The following WDPCP variants were observed in gnomAD, a reference collection of about 807,000 sequenced individuals.
The protein encoded by WDPCP is WD repeat-containing and planar cell polarity effector protein fritz homolog.
A neutral mutation model predicts 93.1 loss-of-function variants in WDPCP; 71 were observed. The observed-to-expected ratio is 0.76, with a 90% CI of 0.63 to 0.93. The LOEUF is 0.93. WDPCP is among the 40% of genes least tolerant of loss of function. The pLI is 0.00. For synonymous variants in WDPCP, 315 were observed against 315.0 expected (o/e 1.00, Z 0.00); for missense variants, 844 against 887.4 (o/e 0.95, Z 0.62).
At chr2:63,427,264 C>T (rs188575717) in intron 9 of WDPCP, among the ~76,000 whole-genome samples, 3 of 152,274 alleles carry the variant, frequency 2.0e-5, no homozygotes, top group Non-Finnish European at 1.5e-5. Flanking sequence ...GAATACTCCA[C>T]CCAACAACCA....
At position 63,680,781 on chromosome 2, in the gene WDPCP, CCTT is replaced by C. The variant is rs1311170110; in HGVS notation, n.309-29946_309-29944del. 3.3e-5 allele frequency among the ~76,000 whole-genome samples: 5 copies of C among 152,258 alleles called. No individual in the cohort carries two copies. The East Asian group carries it at 7.7e-4, about 24-fold the overall frequency. On this transcript the variant is annotated intron_variant and non_coding_transcript_variant, in intron 2 of 4. Coordinates refer to the WDPCP transcript ENST00000467687. ...AAAGCTCACAGCAACAAAAGCAACT[CCTT>C]CTTCTTTCTACTTGAGAAGAGGAGA...
intron 2 of WDPCP, among the ~76,000 whole-genome samples, chr2:63,724,700 G>C (rs889195013): frequency 2.6e-5 from 4 of 152,202 alleles, no homozygotes; most frequent in East Asian, 1.9e-4. Flanking sequence ...AAATGGAAAA[G>C]TGGGCAACAA....
chr2:63,495,240 GA>G (rs1396516272), intron 1 of WDPCP, among the ~76,000 whole-genome samples: 1 of 152,030 alleles, frequency 6.6e-6, no homozygotes, highest in Non-Finnish European at 1.5e-5. Flanking sequence ...AAGCAGTAGA[GA>G]AAAAGGGATA....
intron 1 of WDPCP, among the ~76,000 whole-genome samples, chr2:63,561,048 C>T (rs1706574845): frequency 6.6e-6 from 1 of 152,210 alleles, no homozygotes; most frequent in Admixed American, 6.5e-5. Context: ...CCCTTTCCTA[C>T]ACCTTATGCA....
At chr2:63,700,775 C>T (rs141536294) in intron 2 of WDPCP, among the ~76,000 whole-genome samples, 1,874 of 152,254 alleles carry the variant, frequency 0.012, 17 homozygotes, top group Non-Finnish European at 0.015. Flanking sequence ...GGGGAAAGAA[C>T]AGGCTCTTCA....
intron 2 of WDPCP, among the ~76,000 whole-genome samples, chr2:63,809,927 T>G (rs1272990952): frequency 1.3e-5 from 2 of 151,358 alleles, no homozygotes; most frequent in East Asian, 1.9e-4. Flanking sequence ...AATAAATAAA[T>G]AAAATTAAAT....
intron 17 of WDPCP, among the ~76,000 whole-genome samples, chr2:63,147,836 G>A (rs1031413640): frequency 6.6e-6 from 1 of 152,062 alleles, no homozygotes; most frequent in African/African-American, 2.4e-5. Context: ...GGGAGTGGTG[G>A]CACGTGCCTG....
chr2:63,745,417 C>T (rs1253866519), intron 2 of WDPCP, among the ~76,000 whole-genome samples: 5 of 152,126 alleles, frequency 3.3e-5, no homozygotes, highest in Non-Finnish European at 7.4e-5. Context: ...GTACCAGTTT[C>T]TCTACACTGT....
chr2:63,807,631 A>G (rs919508691), intron 2 of WDPCP, among the ~76,000 whole-genome samples: 3 of 152,254 alleles, frequency 2.0e-5, no homozygotes, highest in African/African-American at 7.2e-5. Flanking sequence ...AAACACTTTT[A>G]CTAATCTCTC....
At chr2:63,467,685 A>G (rs1485791774) in intron 6 of WDPCP, among the ~76,000 whole-genome samples, 2 of 148,974 alleles carry the variant, frequency 1.3e-5, no homozygotes, top group African/African-American at 5.0e-5. Flanking sequence ...CTAAGGCAGG[A>G]GAATTGCTAG....
rs554022003 is a variant in WDPCP at position 63,337,944 on chromosome 2, G to A, written c.1749-24633C>T. Among the ~76,000 whole-genome samples the A allele has an allele frequency of 3.3e-5, 5 of 152,094 alleles. No homozygotes were observed. In the South Asian group the frequency reaches 8.3e-4, roughly 25 times the overall value. ...TTGCAAATATTTTCTCCCATTCTGT[G>A]GACTGGCTCTTCACTTTGTTGATCA... On this transcript the variant is annotated intron_variant, in intron 12 of 17. Transcript: ENST00000272321.
chr2:63,447,651 C>A (rs928922076), intron 6 of WDPCP, among the ~76,000 whole-genome samples: 4 of 151,840 alleles, frequency 2.6e-5, no homozygotes, highest in Non-Finnish European at 4.4e-5. Context: ...TGTCCAATTT[C>A]CATATTTACT....
intron 17 of WDPCP, among the ~76,000 whole-genome samples, chr2:63,125,753 C>T (rs115768571): frequency 0.037 from 5,582 of 152,034 alleles, 151 homozygotes; most frequent in Non-Finnish European, 0.057. Flanking sequence ...AGACTACAGG[C>T]GCACGTCACC....
intron 13 of WDPCP, among the ~76,000 whole-genome samples, chr2:63,260,086 T>C (rs1266389993): frequency 1.3e-5 from 2 of 152,076 alleles, no homozygotes; most frequent in Admixed American, 6.6e-5. Flanking sequence ...TAAGAGTCAC[T>C]ATAAGAGGGG....
intron 13 of WDPCP, among the ~76,000 whole-genome samples, chr2:63,266,590 G>T (rs1390347065): frequency 1.3e-5 from 2 of 152,108 alleles, no homozygotes; most frequent in Non-Finnish European, 2.9e-5. Context: ...GGTGGATCAC[G>T]AGGTCAGGAG....
chr2:63,635,615 C>T (rs1709913394), intron 3 of WDPCP, among the ~76,000 whole-genome samples: 1 of 152,122 alleles, frequency 6.6e-6, no homozygotes, highest in African/African-American at 2.4e-5. Flanking sequence ...ATTATATGAT[C>T]ATCTCAATAG....
intron 12 of WDPCP, among the ~76,000 whole-genome samples, chr2:63,348,803 A>C (rs1333288540): frequency 2.0e-5 from 3 of 152,192 alleles, no homozygotes; most frequent in African/African-American, 7.2e-5. Context: ...GATAAGGCCC[A>C]ACAAAGGAGA....
intron 2 of WDPCP, among the ~76,000 whole-genome samples, chr2:63,655,195 A>G (rs1391178121): frequency 6.6e-6 from 1 of 152,186 alleles, no homozygotes; most frequent in Non-Finnish European, 1.5e-5. Context: ...GTGGCTCATA[A>G]CCCAGAGAAA....
At position 63,444,401 on chromosome 2, in the gene WDPCP, A is replaced by G. The variant is rs143688616; in HGVS notation, c.385-4530T>C. Reference sequence around the variant, plus strand: ...TGCCAAAAATACTCCTGGATATTGTAAAGGAGACAACTAGAGTTAGAAAAA... The same window carrying G: ...TGCCAAAAATACTCCTGGATATTGTGAAGGAGACAACTAGAGTTAGAAAAA... On this transcript the variant is annotated intron_variant, in intron 6 of 17. Coordinates refer to ENST00000272321, the MANE Select transcript of WDPCP (RefSeq NM_015910.7). 1.6e-4 allele frequency among the ~76,000 whole-genome samples: 24 copies of G among 152,340 alleles called. No homozygotes were observed. The East Asian group carries it at 3.7e-3, about 23-fold the overall frequency.
Sources: allele counts gnomAD v4.1 joint callset (sites outside exome capture counted in the v4.1 genomes callset), GRCh38; gene constraint gnomAD v4.1.1; transcripts MANE v1.5; gene names NCBI Gene and HGNC (gene_info 2026-07-23, HGNC 2026-07-21).